IFNAR1: variants seen among roughly 807,000 people sequenced by gnomAD.
IFNAR1 encodes the protein interferon alpha/beta receptor 1.
Under a neutral mutation model 62.1 loss-of-function variants are expected in IFNAR1, and 47 were observed. The observed-to-expected ratio is 0.76, with a 90% CI of 0.60 to 0.97. IFNAR1 has a LOEUF of 0.97. Among genes scored for constraint, IFNAR1 ranks in the 50% least tolerant of loss-of-function variants. The probability of loss-of-function intolerance (pLI) is 0.00; values close to 1 mark genes in which losing one functional copy is unlikely to be tolerated. For synonymous variants in IFNAR1, 219 were observed against 226.9 expected (o/e 0.97, Z 0.31); for missense variants, 638 against 654.5 (o/e 0.97, Z 0.27).
At chr21:33,336,203 T>A (rs1220959875) in intron 2 of IFNAR1, among the ~76,000 whole-genome samples, 1 of 138,506 alleles carries the variant, frequency 7.2e-6, no homozygotes, top group African/African-American at 2.7e-5. Context: ...GATAGTTTAC[T>A]GAGAATGATG....
At chr21:33,352,940 G>T in intron 9 of IFNAR1, 32 bp downstream of exon 9, 1 of 1,501,888 alleles carries the variant, frequency 6.7e-7, no homozygotes, top group Non-Finnish European at 9.1e-7. Context: ...TTTTAAAAAT[G>T]TAGCTAGACA....
intron 6 of IFNAR1, 64 bp downstream of exon 6, chr21:33,345,424 G>A: frequency 1.1e-6 from 1 of 872,328 alleles, no homozygotes; most frequent in Admixed American, 1.8e-5. Flanking sequence ...TTTTCGCTCT[G>A]CATCAGTCAC....
intron 1 of IFNAR1, chr21:33,335,034 G>A (rs2083219838): frequency 7.3e-7 from 1 of 1,373,034 alleles, no homozygotes. Flanking sequence ...TATTTGTGAT[G>A]ATGTCACCAC....
At chr21:33,348,247 C>T (rs1348723008) in intron 6 of IFNAR1, among the ~76,000 whole-genome samples, 1 of 152,072 alleles carries the variant, frequency 6.6e-6, no homozygotes, top group Non-Finnish European at 1.5e-5. Context: ...GCTGGCTTTC[C>T]AGAAAGAAAA....
At chr21:33,330,562 A>T (rs796221381) in intron 1 of IFNAR1, among the ~76,000 whole-genome samples, 30 of 152,334 alleles carry the variant, frequency 2.0e-4, no homozygotes, top group African/African-American at 7.0e-4. Flanking sequence ...CACACAATGT[A>T]GTCTGGGAGA....
At chr21:33,354,840 C>T (rs2083432344) in intron 10 of IFNAR1, among the ~76,000 whole-genome samples, 1 of 152,090 alleles carries the variant, frequency 6.6e-6, no homozygotes, top group Non-Finnish European at 1.5e-5. Flanking sequence ...TACTATTATA[C>T]CCCTGAGTTT....
rs1006760073 is a variant in IFNAR1 at position 33,343,712 on chromosome 21, T to C, written c.673+36T>C. On this transcript the variant is annotated intron_variant, in intron 5 of 10. Coordinates refer to ENST00000270139, the MANE Select transcript of IFNAR1 (RefSeq NM_000629.3). ...TGTTTTGTTTTAGATTCAATAAATATATAAACAGATTGTCAATTTTGGCAT... is the reference window on the plus strand; with the variant it reads ...TGTTTTGTTTTAGATTCAATAAATACATAAACAGATTGTCAATTTTGGCAT... The C allele has an allele frequency of 4.8e-6, 7 of 1,453,400 alleles. No individual in the cohort carries two copies. In the African/African-American group the frequency reaches 7.1e-5, roughly 15 times the overall value. The allele number at this position is 1,453,400 out of a possible 1,614,324, so 90.0% of individuals were successfully genotyped here. A position where few individuals can be genotyped will look rare whatever the true frequency, so the allele number is the denominator to read the frequency against.
intron 6 of IFNAR1, 99 bp downstream of exon 6, chr21:33,345,459 G>T: frequency 1.4e-6 from 1 of 723,284 alleles, no homozygotes; most frequent in Non-Finnish European, 2.5e-6. Flanking sequence ...CAGAATGACC[G>T]ACTGGGAGGT....
chr21:33,345,264 C>A lies in IFNAR1; in HGVS notation c.692C>A (p.Pro231Gln). ...CTTCTAGTTGAAAATGAACTACCTC[C>A]ACCAGAAAATATAGAAGTCAGTGTC... Reference protein sequence around the residue: ...IKTTVENELPPPENIEVSVQN... With the variant: ...IKTTVENELPQPENIEVSVQN... The change falls in exon 6 of 11, where the codon CCA becomes CAA. Residue 231 changes from proline (P) to glutamine (Q), a missense_variant. By Grantham distance (76) the Pro-to-Gln change is moderately conservative (BLOSUM62 -1). Transcript: ENST00000270139. 6.3e-7 allele frequency: 1 copy of A among 1,580,324 alleles called. No individual in the cohort carries two copies. The highest frequency in any genetic ancestry group is 8.7e-7 in the Non-Finnish European group (1 of 1,150,562).
At position 33,325,124 on chromosome 21, in the gene IFNAR1, A is replaced by G. The variant is rs145800877; in HGVS notation, c.69A>G (p.Ala23=). ...LVAVAPWVLS[A]AAGGKNLKSP... Reference sequence around the variant, plus strand: ...CCGTGGCGCCATGGGTGTTGTCCGCAGCCGCAGGTGAGAGGCGGGGAGGAG... The same window carrying G: ...CCGTGGCGCCATGGGTGTTGTCCGCGGCCGCAGGTGAGAGGCGGGGAGGAG... The change falls in exon 1 of 11, where the codon GCA becomes GCG. Residue 23 remains alanine, a synonymous_variant. Coordinates refer to ENST00000270139, the MANE Select transcript of IFNAR1 (RefSeq NM_000629.3). 124 of 1,610,898 alleles carry G rather than the reference A, an allele frequency of 7.7e-5. No homozygotes were observed. Among genetic ancestry groups the G allele is most frequent in the Non-Finnish European group, 1.0e-4 (118 of 1,179,248 alleles).
intron 3 of IFNAR1, among the ~76,000 whole-genome samples, chr21:33,343,033 T>C (rs1433472433): frequency 2.0e-5 from 3 of 152,194 alleles, no homozygotes; most frequent in African/African-American, 4.8e-5. Flanking sequence ...CTCCTGCTCA[T>C]TGATCGCTTC....
intron 1 of IFNAR1, among the ~76,000 whole-genome samples, chr21:33,325,938 G>T (rs529929445): frequency 6.6e-6 from 1 of 152,162 alleles, no homozygotes; most frequent in South Asian, 2.1e-4. Flanking sequence ...TAGTTTTTCA[G>T]ATTAACTTTG....
intron 2 of IFNAR1, among the ~76,000 whole-genome samples, chr21:33,339,927 CAAAAA>C (rs532975886): frequency 1.2e-5 from 1 of 81,828 alleles, no homozygotes. Flanking sequence ...GACTCTGTCT[CAAAAA>C]AAAAAAAAAA....
At chr21:33,348,204 A>G (rs2083367246) in intron 6 of IFNAR1, among the ~76,000 whole-genome samples, 1 of 152,196 alleles carries the variant, frequency 6.6e-6, no homozygotes, top group Non-Finnish European at 1.5e-5. Context: ...GCACTTAATC[A>G]GTGTCCATTG....
At position 33,358,710 on chromosome 21, in the gene IFNAR1, AAGTT is replaced by A. The variant is rs1220159738; in HGVS notation, c.*3164_*3167del. The A allele has an allele frequency of 3.3e-5, 5 of 152,010 alleles. No individual in the cohort carries two copies. Among genetic ancestry groups the A allele is most frequent in the African/African-American group, 9.7e-5 (4 of 41,400 alleles). The allele number at this position is 152,010 out of a possible 1,614,324, so 9.4% of individuals were successfully genotyped here. A position where few individuals can be genotyped will look rare whatever the true frequency, so the allele number is the denominator to read the frequency against. On this transcript the variant is annotated 3_prime_UTR_variant, in exon 11 of 11. Transcript: ENST00000270139. ...ATAAAAAAGTTACTTTTAAAAATAT[AAGTT>A]AGGGCTAGGCACAGTGGCTCATGCC...
At chr21:33,326,580 T>C (rs1337505404) in intron 1 of IFNAR1, among the ~76,000 whole-genome samples, 1 of 152,216 alleles carries the variant, frequency 6.6e-6, no homozygotes, top group Admixed American at 6.5e-5. Flanking sequence ...CCCTTGTTTA[T>C]GGGAGACCAG....
intron 1 of IFNAR1, among the ~76,000 whole-genome samples, chr21:33,331,291 C>A (rs13050445): frequency 1.3e-5 from 2 of 151,996 alleles, no homozygotes; most frequent in Non-Finnish European, 2.9e-5. Flanking sequence ...AAGTGGTATA[C>A]GGCATTCCAG....
intron 2 of IFNAR1, among the ~76,000 whole-genome samples, chr21:33,337,801 C>T (rs1453190578): frequency 7.5e-6 from 1 of 133,272 alleles, no homozygotes; most frequent in African/African-American, 2.7e-5. Flanking sequence ...TATATACACA[C>T]ACAAATTCAT....
At chr21:33,335,386 GT>G in intron 1 of IFNAR1, 137 bp from the exon 2 acceptor site, 3 of 489,236 alleles carry the variant, frequency 6.1e-6, no homozygotes, top group South Asian at 5.0e-5. Flanking sequence ...GCAATCATTA[GT>G]TTTTTTAGAT....
Sources: allele counts gnomAD v4.1 joint callset (sites outside exome capture counted in the v4.1 genomes callset), GRCh38; gene constraint gnomAD v4.1.1; transcripts MANE v1.5; gene names NCBI Gene and HGNC (gene_info 2026-07-23, HGNC 2026-07-21).